The following DAB1 variants were observed in gnomAD, a reference collection of about 807,000 sequenced individuals.
The protein encoded by DAB1 is DAB adaptor protein 1.
DAB1 carries 15 observed loss-of-function variants against 64.6 expected under a neutral mutation model. The ratio of observed to expected loss-of-function variants is 0.23; its 90% CI spans 0.16 to 0.36. DAB1 has a LOEUF of 0.36. Among genes scored for constraint, DAB1 ranks in the 10% least tolerant of loss-of-function variants. DAB1 has a pLI of 1.00. For synonymous variants in DAB1, 235 were observed against 251.9 expected (o/e 0.93, Z 0.64); for missense variants, 596 against 706.7 (o/e 0.84, Z 1.78).
chr1:57,194,764 A>G (rs573467941), intron 2 of DAB1, among the ~76,000 whole-genome samples: 3 of 152,270 alleles, frequency 2.0e-5, no homozygotes, highest in East Asian at 3.9e-4. Flanking sequence ...CATGGGAGGC[A>G]TGGAGAAGCA....
rs1172310974 is a variant in DAB1, at chr1:57,647,928, C to T, written n.625+1664G>A. Among the ~76,000 whole-genome samples, 4 of 152,320 alleles carry T rather than the reference C, an allele frequency of 2.6e-5. No homozygotes were observed. The East Asian group carries it at 7.7e-4, about 29-fold the overall frequency. On this transcript the variant is annotated intron_variant and non_coding_transcript_variant, in intron 7 of 20. Transcript: ENST00000485760. ...AGCTTTTACTCCATTGCTCTCAATG[C>T]TTACTGATTTTAAACTTCTAAGTCA...
chr1:57,718,665 T>C (rs1647113915), intron 6 of DAB1, among the ~76,000 whole-genome samples: 1 of 152,200 alleles, frequency 6.6e-6, no homozygotes, highest in Admixed American at 6.5e-5. Flanking sequence ...GAATCCAGGC[T>C]TACAATGCAA....
intron 4 of DAB1, among the ~76,000 whole-genome samples, chr1:58,169,319 C>T (rs191516455): frequency 2.1e-4 from 32 of 152,068 alleles, no homozygotes; most frequent in Admixed American, 8.5e-4. Context: ...ACAACTATTC[C>T]GATCAGCAGG....
At chr1:58,509,685 A>C (rs145053308) in intron 2 of DAB1, among the ~76,000 whole-genome samples, 99 of 151,782 alleles carry the variant, frequency 6.5e-4, no homozygotes, top group Non-Finnish European at 8.1e-4. Flanking sequence ...ACAGAGAATA[A>C]AAAAATAGAA....
At chr1:58,375,141 C>G (rs1644310852) in intron 3 of DAB1, among the ~76,000 whole-genome samples, 1 of 149,890 alleles carries the variant, frequency 6.7e-6, no homozygotes, top group Non-Finnish European at 1.5e-5. Flanking sequence ...GACAATTTGA[C>G]TTGCTCTTTT....
intron 1 of DAB1, among the ~76,000 whole-genome samples, chr1:57,338,531 T>C (rs746976209): frequency 1.3e-5 from 2 of 152,218 alleles, no homozygotes; most frequent in African/African-American, 2.4e-5. Flanking sequence ...CCCAAGGATA[T>C]AAGGCTATTT....
intron 7 of DAB1, among the ~76,000 whole-genome samples, chr1:57,564,597 C>T (rs544615725): frequency 7.9e-5 from 12 of 152,112 alleles, no homozygotes; most frequent in Admixed American, 3.9e-4. Flanking sequence ...AATGACCTGA[C>T]GGAGCTGAAA....
intron 4 of DAB1, among the ~76,000 whole-genome samples, chr1:58,310,257 T>C (rs1302576981): frequency 6.6e-6 from 1 of 152,196 alleles, no homozygotes. Context: ...ATATAAGTTT[T>C]CTTCACATAT....
intron 6 of DAB1, among the ~76,000 whole-genome samples, chr1:57,708,953 G>C (rs1646997446): frequency 6.6e-6 from 1 of 151,942 alleles, no homozygotes; most frequent in Non-Finnish European, 1.5e-5. Flanking sequence ...GTTCAATCTG[G>C]TGTTCCTGCA....
intron 1 of DAB1, among the ~76,000 whole-genome samples, chr1:57,293,574 G>T (rs190539256): frequency 1.1e-3 from 172 of 152,220 alleles, no homozygotes; most frequent in Middle Eastern, 3.4e-3. Flanking sequence ...CTTGCTCAAG[G>T]CCACCTGGCC....
At chr1:58,433,684 A>G (rs1644910421) in intron 3 of DAB1, among the ~76,000 whole-genome samples, 1 of 150,882 alleles carries the variant, frequency 6.6e-6, no homozygotes, top group Non-Finnish European at 1.5e-5. Context: ...AGAGAGAGAG[A>G]GAGAAAGAGA....
At chr1:57,495,922 T>G (rs1644224545) in intron 7 of DAB1, among the ~76,000 whole-genome samples, 2 of 152,160 alleles carry the variant, frequency 1.3e-5, no homozygotes, top group Admixed American at 1.3e-4. Flanking sequence ...AGCTGTATGG[T>G]CCTTGAAGTC....
At chr1:57,836,027 C>G (rs904609449) in intron 1 of DAB1, among the ~76,000 whole-genome samples, 4 of 152,152 alleles carry the variant, frequency 2.6e-5, no homozygotes, top group Non-Finnish European at 5.9e-5. Context: ...ACTTAAAACC[C>G]AACTCAAGGC....
intron 1 of DAB1, among the ~76,000 whole-genome samples, chr1:57,332,985 T>C (rs35804651): frequency 0.54 from 81,819 of 152,076 alleles, 22,787 homozygotes; most frequent in Non-Finnish European, 0.58. Context: ...CTCTCTTCGC[T>C]TTGCTCTTTG....
In DAB1 at chr1:58,062,997, C is replaced by T. The variant is rs117660615; in HGVS notation, n.387+87514G>A. On this transcript the variant is annotated intron_variant and non_coding_transcript_variant, in intron 5 of 20. Transcript: ENST00000485760. ...CAACTTATTTATTCATTCATTCATG[C>T]AACAAGTACTGATTGAGGGATTACC... Among the ~76,000 whole-genome samples the T allele has an allele frequency of 3.8e-4, 58 of 152,258 alleles. No individual in the cohort carries two copies. The East Asian group carries it at 0.011, about 29-fold the overall frequency.
At chr1:57,062,360 C>T (rs1277485333) in intron 9 of DAB1, among the ~76,000 whole-genome samples, 1 of 152,162 alleles carries the variant, frequency 6.6e-6, no homozygotes, top group East Asian at 1.9e-4. Context: ...ACTTCTCAAC[C>T]ACTTTCAAAT....
At chr1:58,368,921 G>A (rs549561734) in intron 3 of DAB1, among the ~76,000 whole-genome samples, 1 of 152,128 alleles carries the variant, frequency 6.6e-6, no homozygotes, top group Non-Finnish European at 1.5e-5. Context: ...CAGTTACTTG[G>A]GGGGCTGAAG....
intron 7 of DAB1, among the ~76,000 whole-genome samples, chr1:57,598,996 C>A (rs1262416989): frequency 6.6e-6 from 1 of 151,820 alleles, no homozygotes; most frequent in African/African-American, 2.4e-5. Context: ...ATTAACACAA[C>A]CTTAAGCCTT....
chr1:57,227,689 T>TG (rs1667379702), intron 2 of DAB1, among the ~76,000 whole-genome samples: 1 of 152,144 alleles, frequency 6.6e-6, no homozygotes, highest in African/African-American at 2.4e-5. Context: ...CCCTAGTAAC[T>TG]GGGACTACAG....
Sources: allele counts gnomAD v4.1 joint callset (sites outside exome capture counted in the v4.1 genomes callset), GRCh38; gene constraint gnomAD v4.1.1; transcripts MANE v1.5; gene names NCBI Gene and HGNC (gene_info 2026-07-23, HGNC 2026-07-21).